TRPC4: variants seen among roughly 807,000 people sequenced by gnomAD.
TRPC4 encodes short transient receptor potential channel 4.
A neutral mutation model predicts 99.4 loss-of-function variants in TRPC4; 49 were observed. The ratio of observed to expected loss-of-function variants is 0.49; its 90% CI spans 0.39 to 0.63. TRPC4 has a LOEUF of 0.63. Ranked by LOEUF, TRPC4 falls within the 20% of genes least tolerant of loss-of-function variation. The probability of loss-of-function intolerance (pLI) is 0.00; values close to 1 mark genes in which losing one functional copy is unlikely to be tolerated. For missense variants in TRPC4, 898 were observed against 1,152.9 expected (o/e 0.78, Z 3.20); for synonymous variants, 454 against 425.9 (o/e 1.07, Z -0.81).
intron 1 of TRPC4, among the ~76,000 whole-genome samples, chr13:37,855,428 C>T (rs1224969703): frequency 6.6e-6 from 1 of 150,982 alleles, no homozygotes; most frequent in African/African-American, 2.4e-5. Context: ...TCAATACAAT[C>T]ACAGCTGGAG....
rs145908373 is a variant in TRPC4 at position 37,748,456 on chromosome 13, T to C, written c.379-2001A>G. Among the ~76,000 whole-genome samples, 15 of 152,224 alleles carry C rather than the reference T, an allele frequency of 9.9e-5. No individual in the cohort carries two copies. The East Asian group carries it at 2.3e-3, about 24-fold the overall frequency. On this transcript the variant is annotated intron_variant, in intron 2 of 10. Coordinates refer to ENST00000379705, the MANE Select transcript of TRPC4 (RefSeq NM_016179.4). ...TTATTTTAAAAATAAGTATAATATA[T>C]CCATACAGAATGGCATACATTTTTT...
chr13:37,641,973 C>T (rs1207849570), intron 8 of TRPC4, among the ~76,000 whole-genome samples: 3 of 152,118 alleles, frequency 2.0e-5, no homozygotes, highest in Non-Finnish European at 4.4e-5. Context: ...CATAGTAGGA[C>T]ACATATTATG....
At chr13:37,847,946 G>C (rs760858251) in intron 1 of TRPC4, among the ~76,000 whole-genome samples, 1 of 152,002 alleles carries the variant, frequency 6.6e-6, no homozygotes, top group Non-Finnish European at 1.5e-5. Flanking sequence ...AGGAGATAAG[G>C]TTTTGGGATC....
intron 1 of TRPC4, among the ~76,000 whole-genome samples, chr13:37,864,440 A>G (rs1281875785): frequency 6.6e-6 from 1 of 151,700 alleles, no homozygotes; most frequent in Non-Finnish European, 1.5e-5. Flanking sequence ...TTTTTGTAAC[A>G]TAAGAAATAA....
At chr13:37,735,292 G>A (rs1160867192) in intron 3 of TRPC4, among the ~76,000 whole-genome samples, 1 of 152,030 alleles carries the variant, frequency 6.6e-6, no homozygotes, top group Non-Finnish European at 1.5e-5. Flanking sequence ...AAAGTTTCTT[G>A]CGAACTATAA....
chr13:37,855,334 G>GTATATATATATATATATATATATATATA (rs1319645869), intron 1 of TRPC4, among the ~76,000 whole-genome samples: 1 of 114,086 alleles, frequency 8.8e-6, no homozygotes, highest in African/African-American at 3.7e-5. Flanking sequence ...TATATACAAT[G>GTATATATATATATATATATATATATATA]TAGATATATA....
At chr13:37,758,291 A>C (rs1956143513) in intron 2 of TRPC4, among the ~76,000 whole-genome samples, 1 of 151,884 alleles carries the variant, frequency 6.6e-6, no homozygotes, top group Non-Finnish European at 1.5e-5. Context: ...GTTGAATCCA[A>C]CAGTGTATCA....
At chr13:37,807,965 T>G (rs1331617214) in intron 1 of TRPC4, among the ~76,000 whole-genome samples, 1 of 152,116 alleles carries the variant, frequency 6.6e-6, no homozygotes, top group Non-Finnish European at 1.5e-5. Flanking sequence ...ATGTCAGACA[T>G]TCCTAGTTAT....
chr13:37,653,180 T>G (rs1336745553), intron 7 of TRPC4, among the ~76,000 whole-genome samples: 1 of 152,200 alleles, frequency 6.6e-6, no homozygotes. Flanking sequence ...TATCATTTTT[T>G]TGTTGAAAAC....
At chr13:37,753,575 A>AGAAAGAGAGAGAG (rs1566145348) in intron 2 of TRPC4, among the ~76,000 whole-genome samples, 165 of 137,308 alleles carry the variant, frequency 1.2e-3, no homozygotes, top group Middle Eastern at 4.0e-3. Flanking sequence ...GAGAGAGAGA[A>AGAAAGAGAGAGAG]AGAGAGAGAG....
Position 37,633,613 on chromosome 13 carries a change from A to C in TRPC4, c.*3290T>G, listed in dbSNP as rs1437225784. ...TTGAGAACAGCATGGTGAGTCTACT[A>C]TCCTTGACTTTTCATCAATTTGTTT... On this transcript the variant is annotated 3_prime_UTR_variant, in exon 11 of 11. Coordinates refer to ENST00000379705, the MANE Select transcript of TRPC4 (RefSeq NM_016179.4). Among the ~76,000 whole-genome samples, 2 of 152,170 alleles carry C rather than the reference A, an allele frequency of 1.3e-5. No individual in the cohort carries two copies. The highest frequency in any genetic ancestry group is 4.8e-5 in the African/African-American group (2 of 41,454).
At position 37,783,223 on chromosome 13, in the gene TRPC4, C is replaced by T. The variant is rs889647741; in HGVS notation, c.111G>A (p.Leu37=). The change falls in exon 2 of 11, where the codon TTG becomes TTA. Residue 37 remains leucine, a synonymous_variant. Coordinates refer to ENST00000379705, the MANE Select transcript of TRPC4 (RefSeq NM_016179.4). The part of the protein sequence containing the change: ...SELSPSEKAY[L]NAVEKGDYAS... ...CATAATCTCCCTTTTCCACAGCATT[C>T]AAGTAGGCTTTTTCTGATGGCGAGA... is the stretch of plus-strand genomic sequence containing the variant. 6.2e-7 allele frequency: 1 copy of T among 1,613,658 alleles called. No homozygotes were observed. Among genetic ancestry groups the T allele is most frequent in the South Asian group, 1.1e-5 (1 of 91,070 alleles).
At chr13:37,774,570 G>C (rs1411339582) in intron 2 of TRPC4, among the ~76,000 whole-genome samples, 1 of 151,568 alleles carries the variant, frequency 6.6e-6, no homozygotes, top group Non-Finnish European at 1.5e-5. Flanking sequence ...TTGTGTCATG[G>C]GAGTTTATTG....
At chr13:37,697,247 C>G (rs1052245410) in intron 3 of TRPC4, among the ~76,000 whole-genome samples, 3 of 152,100 alleles carry the variant, frequency 2.0e-5, no homozygotes, top group Non-Finnish European at 4.4e-5. Context: ...ATAAATCTGT[C>G]TTCTGGGAAC....
chr13:37,807,423 T>G (rs1957553319), intron 1 of TRPC4, among the ~76,000 whole-genome samples: 1 of 152,026 alleles, frequency 6.6e-6, no homozygotes, highest in Non-Finnish European at 1.5e-5. Context: ...GTAATAATAA[T>G]AAACAATGAT....
At chr13:37,694,326 T>C (rs1037042500) in intron 3 of TRPC4, among the ~76,000 whole-genome samples, 7 of 152,316 alleles carry the variant, frequency 4.6e-5, no homozygotes, top group Admixed American at 4.6e-4. Flanking sequence ...AGGGACTAAG[T>C]ACTAAGTAAC....
intron 5 of TRPC4, among the ~76,000 whole-genome samples, chr13:37,665,691 T>C (rs1952621320): frequency 6.6e-6 from 1 of 152,078 alleles, no homozygotes; most frequent in Non-Finnish European, 1.5e-5. Flanking sequence ...TTAAAAATCC[T>C]TCAAATCTAG....
intron 2 of TRPC4, among the ~76,000 whole-genome samples, chr13:37,748,979 T>C (rs911087434): frequency 6.6e-5 from 10 of 152,152 alleles, no homozygotes; most frequent in Non-Finnish European, 1.3e-4. Context: ...TCATCTTGAA[T>C]TGTACTCCTC....
At chr13:37,753,598 AGAGAGAG>A (rs1956008997) in intron 2 of TRPC4, among the ~76,000 whole-genome samples, 4 of 142,094 alleles carry the variant, frequency 2.8e-5, no homozygotes, top group African/African-American at 9.9e-5. Context: ...AGAGAGAGAG[AGAGAGAG>A]AGAAAGAAAG....
Sources: allele counts gnomAD v4.1 joint callset (sites outside exome capture counted in the v4.1 genomes callset), GRCh38; gene constraint gnomAD v4.1.1; transcripts MANE v1.5; gene names NCBI Gene and HGNC (gene_info 2026-07-23, HGNC 2026-07-21).